The following ECE1 variants were observed in gnomAD, a reference collection of about 807,000 sequenced individuals.
The protein encoded by ECE1 is endothelin converting enzyme 1, also known as endothelin-converting enzyme 1.
ECE1 carries 35 observed loss-of-function variants against 98.6 expected under a neutral mutation model. The ratio of observed to expected loss-of-function variants is 0.35; its 90% CI spans 0.27 to 0.47. The LOEUF is 0.47. Among genes scored for constraint, ECE1 ranks in the 20% least tolerant of loss-of-function variants. The pLI, the probability that ECE1 is intolerant of heterozygous loss-of-function variation, is 1.00. For synonymous variants in ECE1, 394 were observed against 407.1 expected (o/e 0.97, Z 0.39); for missense variants, 814 against 1,025.3 (o/e 0.79, Z 2.81).
rs1370270607 is a variant in ECE1 at position 21,219,888 on chromosome 1, G to A, written c.*67C>T. ...GCCAAGCGGGCTGAGCAATGCCCTG[G>A]AGGCTGGATGGGGGTCTCGTCCTCA... On this transcript the variant is annotated 3_prime_UTR_variant, in exon 19 of 19. Coordinates refer to ENST00000374893, the MANE Select transcript of ECE1 (RefSeq NM_001397.3). This position sits in a 1 kb window ranked among gnomAD's most constrained non-coding sequence, Gnocchi z 4.5. 4.4e-6 allele frequency: 7 copies of A among 1,600,648 alleles called. No individual in the cohort carries two copies. In the African/African-American group the frequency reaches 6.7e-5, roughly 15 times the overall value.
intron 14 of ECE1, among the ~76,000 whole-genome samples, chr1:21,228,573 G>T (rs772575882): frequency 4.2e-4 from 64 of 151,912 alleles, no homozygotes; most frequent in Non-Finnish European, 6.8e-4. Context: ...ATTACTTGAG[G>T]CCAGGAGTTC....
At chr1:21,287,038 C>A (rs1376831921) in intron 2 of ECE1, among the ~76,000 whole-genome samples, 3 of 152,050 alleles carry the variant, frequency 2.0e-5, no homozygotes, top group African/African-American at 7.2e-5. Flanking sequence ...ATAAATGTGG[C>A]AAGTAATAAA....
Position 21,221,823 on chromosome 1 carries a change from T to G in ECE1, c.2060A>C (p.Lys687Thr). 6.2e-7 allele frequency: 1 copy of G among 1,614,180 alleles called. No individual in the cohort carries two copies. The change falls in exon 18 of 19, where the codon AAG becomes ACG. Residue 687 changes from lysine to threonine, a missense_variant. Around this residue, in one of 3 missense-constraint regions of ECE1, gnomAD observed 452 missense variants for 567.3 expected, o/e 0.80. Transcript: ENST00000374893. ...AAYRAYQNWV[K>T]KNGAEHSLPT... ...GAGCGAGTGCTCAGCCCCGTTCTTC[T>G]TCACCCAGTTCTGGTAAGCCTGGGA...
At chr1:21,288,741 C>T (rs984497689) in intron 2 of ECE1, among the ~76,000 whole-genome samples, 4 of 152,206 alleles carry the variant, frequency 2.6e-5, no homozygotes, top group African/African-American at 7.2e-5. Context: ...CTGGCTTCAG[C>T]CTCTTAAGAA....
In ECE1 at chr1:21,319,294, G is replaced by A. The variant is rs1638909627; in HGVS notation, c.3+26082C>T. Among the ~76,000 whole-genome samples, 1 of 152,140 alleles carries A rather than the reference G, an allele frequency of 6.6e-6. No individual in the cohort carries two copies. Among genetic ancestry groups the A allele is most frequent in the Non-Finnish European group, 1.5e-5 (1 of 68,018 alleles). ...CGGGAAGTGGAGGTTGCAGTGAGCC[G>A]AGATCGCATCACTGCTTTCCAGCCT... On this transcript the variant is annotated intron_variant, in intron 1 of 18. Transcript: ENST00000415912. The surrounding 1 kb of genome is among the most constrained non-coding windows in gnomAD (Gnocchi z 4.4).
chr1:21,259,121 C>T (rs867534574), intron 5 of ECE1, among the ~76,000 whole-genome samples: 13 of 152,190 alleles, frequency 8.5e-5, no homozygotes, highest in East Asian at 1.9e-4. Flanking sequence ...AGACTTTTCC[C>T]GGTTCACGGT....
intron 4 of ECE1, among the ~76,000 whole-genome samples, chr1:21,271,970 G>C (rs1352099383): frequency 2.0e-5 from 3 of 151,554 alleles, no homozygotes; most frequent in South Asian, 2.1e-4. Flanking sequence ...GTTCAGTCTC[G>C]ATCCCTTTTG....
At chr1:21,257,915 A>G (rs1048382170) in intron 6 of ECE1, among the ~76,000 whole-genome samples, 4 of 152,240 alleles carry the variant, frequency 2.6e-5, no homozygotes, top group African/African-American at 9.6e-5. Flanking sequence ...GAGTCACTCA[A>G]AAGCTGTGTG....
intron 4 of ECE1, among the ~76,000 whole-genome samples, chr1:21,263,683 C>T (rs1026940765): frequency 3.3e-5 from 5 of 151,508 alleles, no homozygotes; most frequent in East Asian, 1.9e-4. Flanking sequence ...TAAAGGAAAT[C>T]GGGCAGGTGG....
At chr1:21,335,151 G>T (rs1242215969) in intron 1 of ECE1, among the ~76,000 whole-genome samples, 1 of 151,976 alleles carries the variant, frequency 6.6e-6, no homozygotes, top group African/African-American at 2.4e-5. Context: ...TGTTCCGGCA[G>T]CCGGGAACTC....
intron 1 of ECE1, among the ~76,000 whole-genome samples, chr1:21,305,364 A>G (rs1638573309): frequency 6.6e-6 from 1 of 152,252 alleles, no homozygotes. Flanking sequence ...TACGAGTTGA[A>G]TGAATGAATG....
chr1:21,298,719 C>T (rs536293681), intron 1 of ECE1: 4 of 456,160 alleles, frequency 8.8e-6, no homozygotes, highest in East Asian at 6.9e-5. Context: ...CTAAGTCACA[C>T]ATCTGGTAAA....
upstream of ECE1, among the ~76,000 whole-genome samples, chr1:21,294,984 C>A (rs1310761755): frequency 6.6e-6 from 1 of 152,210 alleles, no homozygotes; most frequent in Non-Finnish European, 1.5e-5. The surrounding 1 kb of genome is among the most constrained non-coding windows in gnomAD (Gnocchi z 4.2). Flanking sequence ...AAAACACACT[C>A]ATATTATCTG....
In ECE1 at chr1:21,283,391, G is replaced by A. The variant is rs184770019; in HGVS notation, c.139-4059C>T. 4.6e-5 allele frequency among the ~76,000 whole-genome samples: 7 copies of A among 151,562 alleles called. No homozygotes were observed. In the South Asian group the frequency reaches 6.3e-4, roughly 14 times the overall value. On this transcript the variant is annotated intron_variant, in intron 2 of 18. Coordinates refer to ENST00000374893, the MANE Select transcript of ECE1 (RefSeq NM_001397.3). ...GTTCAAGCAATTCTCCTGCCTCAGC[G>A]TCCCGAGTAGCTGGGATTACAGGTG... is the stretch of plus-strand genomic sequence containing the variant.
At chr1:21,253,207 C>G (rs931334880) in intron 8 of ECE1, among the ~76,000 whole-genome samples, 9 of 151,958 alleles carry the variant, frequency 5.9e-5, no homozygotes, top group Non-Finnish European at 1.3e-4. Context: ...CCGGCGCACA[C>G]CACCACACCC....
chr1:21,331,475 G>C (rs561061793), intron 1 of ECE1, among the ~76,000 whole-genome samples: 7 of 152,010 alleles, frequency 4.6e-5, no homozygotes, highest in African/African-American at 1.7e-4. Flanking sequence ...TCAGTTACTC[G>C]AGAGGCTGAG....
In ECE1 at chr1:21,220,640, T is replaced by C. The variant is rs1257326899; in HGVS notation, c.2137-509A>G. Reference sequence around the variant, plus strand: ...GGTGAAACCCTGTCTCTACTAAAAATACAAAAATTAGATGGGCGTGGTGGT... The same window carrying C: ...GGTGAAACCCTGTCTCTACTAAAAACACAAAAATTAGATGGGCGTGGTGGT... On this transcript the variant is annotated intron_variant, in intron 18 of 18. Transcript: ENST00000374893. This position sits in a 1 kb window ranked among gnomAD's most constrained non-coding sequence, Gnocchi z 5.0. 6.6e-6 allele frequency among the ~76,000 whole-genome samples: 1 copy of C among 151,808 alleles called. No individual in the cohort carries two copies. The highest frequency in any genetic ancestry group is 1.9e-4 in the East Asian group (1 of 5,174).
At chr1:21,303,092 G>A (rs1038160156) in intron 1 of ECE1, among the ~76,000 whole-genome samples, 1 of 152,190 alleles carries the variant, frequency 6.6e-6, no homozygotes, top group Non-Finnish European at 1.5e-5. Context: ...CCCACCACTG[G>A]CTGCTTTCCC....
rs544639125 is a variant in ECE1, at chr1:21,264,704, G to A, written c.494-4312C>T. 4.6e-5 allele frequency among the ~76,000 whole-genome samples: 7 copies of A among 152,342 alleles called. No homozygotes were observed. The East Asian group carries it at 9.7e-4, about 21-fold the overall frequency. On this transcript the variant is annotated intron_variant, in intron 4 of 18. Transcript: ENST00000374893. The stretch of plus-strand genomic sequence containing the variant: ...CAGGAATTTATTCTTGCAGGACAAA[G>A]CATCTCACGCTTTTTACTCTGTGTA...
Sources: allele counts gnomAD v4.1 joint callset (sites outside exome capture counted in the v4.1 genomes callset), GRCh38; gene constraint gnomAD v4.1.1; regional missense constraint gnomAD v4.1.1; non-coding constraint Gnocchi (gnomAD v3.1); transcripts MANE v1.5; gene names NCBI Gene and HGNC (gene_info 2026-07-23, HGNC 2026-07-21).